Variants in ZNF141 observed in about 807,000 individuals in gnomAD.
ZNF141 encodes zinc finger protein 141, also known as zinc finger protein 141 (clone pHZ-44).
ZNF141 carries 7 observed loss-of-function variants against 11.3 expected under a neutral mutation model. The ratio of observed to expected loss-of-function variants is 0.62; its 90% confidence interval spans 0.35 to 1.16. The LOEUF (loss-of-function observed/expected upper bound fraction) is 1.16, where lower values mean the gene tolerates loss of function less well. ZNF141 is among the 50% of genes most tolerant of loss of function. The pLI, the probability that ZNF141 is intolerant of heterozygous loss-of-function variation, is 0.02. For missense variants in ZNF141, 535 were observed against 554.0 expected (o/e 0.97, Z 0.34); for synonymous variants, 183 against 190.7 (o/e 0.96, Z 0.33).
Position 374,324 on chromosome 4 carries a change from C to A in ZNF141, c.*462C>A, listed in dbSNP as rs939261264. 3.1e-6 allele frequency: 1 copy of A among 323,546 alleles called. No homozygotes were observed. The highest frequency in any genetic ancestry group is 6.2e-6 in the Non-Finnish European group (1 of 160,818). The allele number at this position is 323,546 out of a possible 1,614,324, so 20.0% of individuals were successfully genotyped here. On this transcript the variant is annotated 3_prime_UTR_variant, in exon 4 of 4. Transcript: ENST00000240499. Reference sequence around the variant, plus strand: ...CGTGTGGCAAAGCCTTTAAATGGTCCTCAACCCTTAATGAACGTAAGTGAA... The same window carrying A: ...CGTGTGGCAAAGCCTTTAAATGGTCATCAACCCTTAATGAACGTAAGTGAA...
intron 3 of ZNF141, among the ~76,000 whole-genome samples, 160 bp from the exon 4 acceptor site, chr4:372,504 G>A (rs1289571456): frequency 6.6e-6 from 1 of 152,210 alleles, no homozygotes; most frequent in Non-Finnish European, 1.5e-5. Flanking sequence ...GTCTTTGTTA[G>A]TATATGTTTG....
At chr4:343,340 C>T (rs1464708078) in intron 1 of ZNF141, among the ~76,000 whole-genome samples, 2 of 152,194 alleles carry the variant, frequency 1.3e-5, no homozygotes, top group African/African-American at 2.4e-5. Context: ...GAGAATATTA[C>T]TGCGTTGAAA....
rs1553854636 is a variant in ZNF141, at chr4:376,237, T to G, written c.*2375T>G. 6.6e-6 allele frequency among the ~76,000 whole-genome samples: 1 copy of G among 152,094 alleles called. No individual in the cohort carries two copies. Among genetic ancestry groups the G allele is most frequent in the African/African-American group, 2.4e-5 (1 of 41,456 alleles). ...TAGTTGAATGACATTTTTAGTATTC[T>G]CTTTTTCCAGTGGCTTTAAATAGCA... On this transcript the variant is annotated 3_prime_UTR_variant, in exon 4 of 4. Transcript: ENST00000240499.
At chr4:343,073 A>G in intron 1 of ZNF141, 2 of 359,080 alleles carry the variant, frequency 5.6e-6, no homozygotes, top group Non-Finnish European at 9.1e-6. Context: ...AAGTATTTAA[A>G]AAGTTCCTTG....
In ZNF141 at chr4:343,914, G is replaced by T. The variant is rs781786729; in HGVS notation, c.130+6G>T. The T allele has an allele frequency of 6.3e-7, 1 of 1,590,092 alleles. No homozygotes were observed. Among genetic ancestry groups the T allele is most frequent in the Non-Finnish European group, 8.5e-7 (1 of 1,174,372 alleles). On this transcript the variant is annotated splice_donor_region_variant and intron_variant, in intron 2 of 3. Coordinates refer to ENST00000240499, the MANE Select transcript of ZNF141 (RefSeq NM_003441.4). The stretch of plus-strand genomic sequence containing the variant: ...CAGGAACCTGGTCTCCCTGGGTGAG[G>T]ATAACTTCAATACATAATTCCTAAT...
At chr4:366,289 T>C (rs1711737514) in intron 3 of ZNF141, among the ~76,000 whole-genome samples, 1 of 152,192 alleles carries the variant, frequency 6.6e-6, no homozygotes, top group Non-Finnish European at 1.5e-5. Context: ...TTTATGTCTT[T>C]TTCAGTTTTT....
At chr4:369,058 A>T (rs1323949866) in intron 3 of ZNF141, among the ~76,000 whole-genome samples, 1 of 152,170 alleles carries the variant, frequency 6.6e-6, no homozygotes, top group Non-Finnish European at 1.5e-5. Flanking sequence ...CATTATAGAA[A>T]TTGGGGTATT....
chr4:360,343 TAAG>T (rs1327380194), intron 3 of ZNF141, among the ~76,000 whole-genome samples: 2 of 152,270 alleles, frequency 1.3e-5, no homozygotes, highest in Admixed American at 1.3e-4. Flanking sequence ...CATTGTGTAA[TAAG>T]TAAATGTATT....
chr4:362,118 C>G (rs1273631001), intron 3 of ZNF141, among the ~76,000 whole-genome samples: 2 of 152,216 alleles, frequency 1.3e-5, no homozygotes, highest in Non-Finnish European at 2.9e-5. Flanking sequence ...TTGCATTTCT[C>G]TGATGGCCAG....
At chr4:362,760 A>G (rs1264574599) in intron 3 of ZNF141, among the ~76,000 whole-genome samples, 1 of 152,214 alleles carries the variant, frequency 6.6e-6, no homozygotes, top group African/African-American at 2.4e-5. Context: ...TACCAGTACC[A>G]TGCTGTTTTG....
At chr4:343,745 AAAAG>A (rs1553848921) in intron 1 of ZNF141, 33 bp from the exon 2 acceptor site, 1 of 1,468,948 alleles carries the variant, frequency 6.8e-7, no homozygotes, top group Non-Finnish European at 9.0e-7. Flanking sequence ...AAAAAAAAAA[AAAAG>A]AACTATGTCC....
intron 3 of ZNF141, among the ~76,000 whole-genome samples, chr4:354,688 A>G (rs1394792094): frequency 1.3e-5 from 2 of 152,048 alleles, no homozygotes; most frequent in East Asian, 3.8e-4. Flanking sequence ...ATATATTACT[A>G]TAAAATTCCC....
intron 3 of ZNF141, among the ~76,000 whole-genome samples, chr4:363,555 G>A (rs960928843): frequency 1.3e-5 from 2 of 152,084 alleles, no homozygotes; most frequent in South Asian, 2.1e-4. Context: ...AGGAGATGGA[G>A]ACCATCCTGG....
chr4:364,756 A>T (rs1711655352), intron 3 of ZNF141, among the ~76,000 whole-genome samples: 1 of 152,112 alleles, frequency 6.6e-6, no homozygotes, highest in Non-Finnish European at 1.5e-5. Context: ...TCCTACTGGG[A>T]GATGTCTCCC....
intron 3 of ZNF141, among the ~76,000 whole-genome samples, chr4:364,015 C>G (rs1395734381): frequency 2.0e-5 from 3 of 152,096 alleles, no homozygotes; most frequent in Non-Finnish European, 1.5e-5. Context: ...GTATGTTGAA[C>G]CAGCCTTGCA....
chr4:344,245 A>G lies in ZNF141; in HGVS notation c.131-90A>G, dbSNP rs1721203812. On this transcript the variant is annotated intron_variant, in intron 2 of 3. Coordinates refer to ENST00000240499, the MANE Select transcript of ZNF141 (RefSeq NM_003441.4). ...GATTAATTTTCTAGAATCTTCCATA[A>G]TATCTCTATTCTGCTTAGCGTAGTA... 4.4e-6 allele frequency: 5 copies of G among 1,138,388 alleles called. No homozygotes were observed. In the South Asian group the frequency reaches 5.5e-5, roughly 13 times the overall value. 70.5% of individuals were successfully genotyped at this position (1,138,388 alleles called of 1,614,324 possible). A position where few individuals can be genotyped will look rare whatever the true frequency, so the allele number is the denominator to read the frequency against.
intron 3 of ZNF141, among the ~76,000 whole-genome samples, chr4:369,764 A>ATAT: frequency 3.9e-4 from 19 of 48,728 alleles, no homozygotes; most frequent in African/African-American, 8.5e-4. Context: ...ATATATATAT[A>ATAT]TTTTTTTTTT....
In ZNF141 at chr4:380,235, T is replaced by A. The variant is rs770194655; in HGVS notation, c.*6373T>A. ...TGGAAAAATACATTCATTTCTTGGT[T>A]GAAAAACTCACGTGATGAGAAGATA... On this transcript the variant is annotated 3_prime_UTR_variant, in exon 4 of 4. Transcript: ENST00000240499. Among the ~76,000 whole-genome samples the A allele has an allele frequency of 2.0e-4, 30 of 152,240 alleles. No individual in the cohort carries two copies. The highest frequency in any genetic ancestry group is 3.5e-4 in the Non-Finnish European group (24 of 68,040).
In ZNF141 at chr4:337,864, T is replaced by G. The variant is rs1720859431; in HGVS notation, c.-120T>G. The G allele has an allele frequency of 5.1e-6, 7 of 1,365,558 alleles. No individual in the cohort carries two copies. Among genetic ancestry groups the G allele is most frequent in the South Asian group, 4.6e-5 (4 of 86,214 alleles). 84.6% of individuals were successfully genotyped at this position (1,365,558 alleles called of 1,614,324 possible). ...CCGCGGGTTAGGGGCTTCATCTCTC[T>G]GCGTTCTCAGTTGTGGGAGGCCTTG... On this transcript the variant is annotated 5_prime_UTR_variant, in exon 1 of 4. Coordinates refer to ENST00000240499, the MANE Select transcript of ZNF141 (RefSeq NM_003441.4).
Sources: gnomAD v4.1 joint callset for allele counts (sites outside exome capture counted in the v4.1 genomes callset) on GRCh38, gnomAD v4.1.1 for gene constraint, MANE v1.5 for transcripts, NCBI Gene and HGNC (gene_info 2026-07-23, HGNC 2026-07-21) for gene names.